Variants in THRB observed in about 807,000 individuals in gnomAD.
THRB encodes nuclear receptor subfamily 1 group A member 2.
A neutral mutation model predicts 47.8 loss-of-function variants in THRB; 12 were observed. The observed-to-expected ratio is 0.25, with a 90% CI of 0.16 to 0.41. The LOEUF is 0.41. THRB is among the 10% of genes least tolerant of loss of function. THRB has a pLI of 1.00. For missense variants in THRB, 348 were observed against 589.2 expected, an observed-to-expected ratio of 0.59 and a Z score of 4.24; for synonymous variants, 218 against 212.2, an observed-to-expected ratio of 1.03 and a Z score of -0.24.
chr3:24,140,176 T>C (rs533259726), intron 8 of THRB, among the ~76,000 whole-genome samples: 1 of 152,336 alleles, frequency 6.6e-6, no homozygotes, highest in East Asian at 1.9e-4. Context: ...GGAGTATATG[T>C]AAATATGTAA....
chr3:24,467,336 C>G (rs1000972082), intron 1 of THRB, among the ~76,000 whole-genome samples: 3 of 152,206 alleles, frequency 2.0e-5, no homozygotes, highest in African/African-American at 7.2e-5. Flanking sequence ...GAATCAACTT[C>G]TTCCAAACTC....
At chr3:24,303,508 TATC>T (rs1004641548) in intron 2 of THRB, among the ~76,000 whole-genome samples, 11 of 152,204 alleles carry the variant, frequency 7.2e-5, no homozygotes, top group Non-Finnish European at 1.5e-4. Flanking sequence ...CATGCCCGAT[TATC>T]ATCGCAGAGC....
At chr3:24,472,769 A>T (rs1176660296) in intron 1 of THRB, among the ~76,000 whole-genome samples, 1 of 152,216 alleles carries the variant, frequency 6.6e-6, no homozygotes, top group Admixed American at 6.5e-5. Context: ...TCTCTCACAG[A>T]CAGGTTTCAA....
chr3:24,363,595 C>T (rs1577104056), intron 1 of THRB, among the ~76,000 whole-genome samples: 1 of 151,764 alleles, frequency 6.6e-6, no homozygotes, highest in Non-Finnish European at 1.5e-5. Flanking sequence ...TTCTCTAGAT[C>T]AAAAAAAATT....
intron 1 of THRB, among the ~76,000 whole-genome samples, chr3:24,482,384 C>G (rs568116180): frequency 1.3e-5 from 2 of 152,284 alleles, no homozygotes; most frequent in East Asian, 3.9e-4. Flanking sequence ...TTAAACTTGC[C>G]AGAGACCATA....
intron 3 of THRB, among the ~76,000 whole-genome samples, chr3:24,289,294 A>G (rs1453957102): frequency 6.6e-6 from 1 of 152,246 alleles, no homozygotes; most frequent in African/African-American, 2.4e-5. Flanking sequence ...CTGTATCACA[A>G]ATTTCTAAAT....
In THRB at chr3:24,130,044, C is replaced by T. The variant is rs551892017; in HGVS notation, c.886-2287G>A. Among the ~76,000 whole-genome samples, 12 of 152,310 alleles carry T rather than the reference C, an allele frequency of 7.9e-5. No individual in the cohort carries two copies. In the South Asian group the frequency reaches 2.1e-3, roughly 26 times the overall value. Reference sequence around the variant, plus strand: ...TCCATGGGTAGCTCACGAACCTATACAGTTAATTCACCTCTTTTGGGTTTG... The same window carrying T: ...TCCATGGGTAGCTCACGAACCTATATAGTTAATTCACCTCTTTTGGGTTTG... On this transcript the variant is annotated intron_variant, in intron 9 of 10. Coordinates refer to ENST00000646209, the MANE Select transcript of THRB (RefSeq NM_001354712.2).
chr3:24,306,705 C>T (rs925259360), intron 2 of THRB, among the ~76,000 whole-genome samples: 10 of 152,056 alleles, frequency 6.6e-5, no homozygotes, highest in Admixed American at 4.6e-4. Flanking sequence ...CCTCTGCCTC[C>T]AGCCCATTGC....
At chr3:24,171,274 G>A (rs376067633) in intron 5 of THRB, among the ~76,000 whole-genome samples, 12 of 152,318 alleles carry the variant, frequency 7.9e-5, no homozygotes, top group African/African-American at 2.9e-4. Context: ...GATTGTTGAG[G>A]TCTGGAATCT....
At chr3:24,491,112 T>C (rs1238819058) in intron 1 of THRB, among the ~76,000 whole-genome samples, 1 of 152,130 alleles carries the variant, frequency 6.6e-6, no homozygotes, top group Non-Finnish European at 1.5e-5. Flanking sequence ...CCAGACCCCC[T>C]TTTTTTCTGT....
At chr3:24,431,261 T>TCTCTACAC (rs767685100) in intron 1 of THRB, among the ~76,000 whole-genome samples, 5 of 135,794 alleles carry the variant, frequency 3.7e-5, no homozygotes, top group Middle Eastern at 3.5e-3. Flanking sequence ...TCTCTCTCTC[T>TCTCTACAC]ACACACACAC....
intron 1 of THRB, among the ~76,000 whole-genome samples, chr3:24,444,907 T>G (rs2071915792): frequency 6.6e-6 from 1 of 152,150 alleles, no homozygotes; most frequent in African/African-American, 2.4e-5. Flanking sequence ...ATTTGAAAAT[T>G]AATTCCAATA....
intron 2 of THRB, among the ~76,000 whole-genome samples, chr3:24,300,903 G>A (rs1490283568): frequency 6.6e-6 from 1 of 152,128 alleles, no homozygotes; most frequent in Non-Finnish European, 1.5e-5. Flanking sequence ...CCAAAACTAT[G>A]AATATGACCT....
Position 24,328,402 on chromosome 3 carries a change from G to A in THRB, c.-189+8898C>T, listed in dbSNP as rs142763356. Among the ~76,000 whole-genome samples, 309 of 152,116 alleles carry A rather than the reference G, an allele frequency of 2.0e-3. 3 individuals are homozygous for A. Among genetic ancestry groups the A allele is most frequent in the African/African-American group, 7.3e-3 (301 of 41,496 alleles). On this transcript the variant is annotated intron_variant, in intron 2 of 10. Coordinates refer to ENST00000646209, the MANE Select transcript of THRB (RefSeq NM_001354712.2). ...CAGGAAATATCCATGAGCATTTGAC[G>A]CCTCCACATAAATGTTCCATAAATA...
At chr3:24,431,593 T>C (rs576373937) in intron 1 of THRB, among the ~76,000 whole-genome samples, 1 of 152,208 alleles carries the variant, frequency 6.6e-6, no homozygotes, top group East Asian at 1.9e-4. Context: ...AGTTACCTAA[T>C]AAAGAACATA....
chr3:24,235,621 G>T (rs1029659644), intron 3 of THRB, among the ~76,000 whole-genome samples: 1 of 152,130 alleles, frequency 6.6e-6, no homozygotes, highest in African/African-American at 2.4e-5. Flanking sequence ...GTTGGGGGCT[G>T]TGGGTTGGGG....
chr3:24,290,840 G>C (rs928263975), intron 3 of THRB, among the ~76,000 whole-genome samples: 1 of 152,154 alleles, frequency 6.6e-6, no homozygotes, highest in Non-Finnish European at 1.5e-5. Context: ...TGCCAGGCAT[G>C]AAATAAAATA....
intron 3 of THRB, among the ~76,000 whole-genome samples, chr3:24,259,642 T>TTA (rs2051732156): frequency 6.6e-6 from 1 of 150,560 alleles, no homozygotes; most frequent in Non-Finnish European, 1.5e-5. Flanking sequence ...TTTTTTTTTT[T>TTA]TAAGGAAAAA....
intron 3 of THRB, among the ~76,000 whole-genome samples, chr3:24,265,096 G>A (rs905395162): frequency 3.5e-4 from 54 of 152,228 alleles, no homozygotes; most frequent in African/African-American, 1.3e-3. Flanking sequence ...TTAGCCATCA[G>A]TAGACTGGGG....
Sources: gnomAD v4.1 joint callset for allele counts (sites outside exome capture counted in the v4.1 genomes callset) on GRCh38, gnomAD v4.1.1 for gene constraint, MANE v1.5 for transcripts, NCBI Gene and HGNC (gene_info 2026-07-23, HGNC 2026-07-21) for gene names.